The following SERF2 variants were observed in gnomAD, a reference collection of about 807,000 sequenced individuals.
SERF2 encodes small EDRK-rich factor 2.
Under a neutral mutation model 10.7 loss-of-function variants are expected in SERF2, and 4 were observed. The observed-to-expected ratio is 0.37, with a 90% CI of 0.18 to 0.86. SERF2 has a LOEUF of 0.86. Ranked by LOEUF, SERF2 falls within the 40% of genes least tolerant of loss-of-function variation. The probability of loss-of-function intolerance (pLI) is 0.43; values close to 1 mark genes in which losing one functional copy is unlikely to be tolerated. For synonymous variants in SERF2, 26 were observed against 26.0 expected, an observed-to-expected ratio of 1.00 and a Z score of 0.01; for missense variants, 47 against 79.1, an observed-to-expected ratio of 0.59 and a Z score of 1.54.
intron 1 of SERF2, among the ~76,000 whole-genome samples, chr15:43,781,910 GAC>G (rs2086968441): frequency 2.2e-5 from 3 of 139,082 alleles, no homozygotes; most frequent in Non-Finnish European, 3.1e-5. Context: ...TTTTTTTTGA[GAC>G]ACAGTTTGCT....
chr15:43,786,127 G>T lies in SERF2; in HGVS notation c.-402+593G>T, dbSNP rs181699504. Among the ~76,000 whole-genome samples the T allele has an allele frequency of 6.6e-5, 10 of 151,874 alleles. No individual in the cohort carries two copies. In the East Asian group the frequency reaches 1.9e-3, roughly 30 times the overall value. ...TCTACAAGCAAGGCACTAAAAAGCTGGTTGAAGGCCAGACACAGCGGCTCA... is the reference window on the plus strand; with the variant it reads ...TCTACAAGCAAGGCACTAAAAAGCTTGTTGAAGGCCAGACACAGCGGCTCA... On this transcript the variant is annotated intron_variant, in intron 2 of 4. Transcript: ENST00000381359.
chr15:43,789,131 A>G (rs991720875), upstream of SERF2, among the ~76,000 whole-genome samples: 1 of 150,940 alleles, frequency 6.6e-6, no homozygotes, highest in Non-Finnish European at 1.5e-5. Context: ...CCTGGGCGAC[A>G]GAGTGAGACT....
At chr15:43,792,586 A>G in intron 1 of SERF2, 1 of 1,452,756 alleles carries the variant, frequency 6.9e-7, no homozygotes, top group Non-Finnish European at 9.1e-7. Flanking sequence ...CGGGTTAGGC[A>G]TAGGCCCTCC....
At chr15:43,783,512 GGCT>G (rs1326036111) in intron 1 of SERF2, among the ~76,000 whole-genome samples, 9 of 150,442 alleles carry the variant, frequency 6.0e-5, no homozygotes, top group Non-Finnish European at 1.2e-4. Context: ...ATGTTGGCTA[GGCT>G]GGTCTCGAAC....
At chr15:43,792,444 C>T (rs1258473292) in intron 1 of SERF2, 61 bp downstream of exon 1, 9 of 1,613,438 alleles carry the variant, frequency 5.6e-6, no homozygotes, top group Non-Finnish European at 7.6e-6. Flanking sequence ...ACACCACCGG[C>T]GAGGCGCCGG....
Position 43,795,995 on chromosome 15 carries a change from TGTAAAA to T in SERF2, c.*2226_*2231del, listed in dbSNP as rs2087206870. On this transcript the variant is annotated 3_prime_UTR_variant, in exon 3 of 3. Transcript: ENST00000249786. Reference sequence around the variant, plus strand: ...GTGAGGGTTAAATTAAATGAGATTATGTAAAAGTATCTAGCACAGTTGCCTAGCACA... The same window carrying T: ...GTGAGGGTTAAATTAAATGAGATTATGTATCTAGCACAGTTGCCTAGCACA... 3.0e-6 allele frequency: 2 copies of T among 666,806 alleles called. No homozygotes were observed. The highest frequency in any genetic ancestry group is 5.3e-6 in the Non-Finnish European group (2 of 375,564). 41.3% of individuals were successfully genotyped at this position (666,806 alleles called of 1,614,324 possible). A position where few individuals can be genotyped will look rare whatever the true frequency, so the allele number is the denominator to read the frequency against.
At chr15:43,779,058 G>A (rs1339591884) in intron 1 of SERF2, among the ~76,000 whole-genome samples, 1 of 152,198 alleles carries the variant, frequency 6.6e-6, no homozygotes, top group African/African-American at 2.4e-5. Flanking sequence ...TGGTGTAGGA[G>A]ATTTACTGCA....
upstream of SERF2, among the ~76,000 whole-genome samples, chr15:43,788,788 C>G (rs757954175): frequency 6.6e-6 from 1 of 152,108 alleles, no homozygotes; most frequent in African/African-American, 2.4e-5. Flanking sequence ...CTGCCAGGGC[C>G]GAGGTTTCTA....
intron 2 of SERF2, 85 bp downstream of exon 2, chr15:43,793,168 C>T: frequency 2.4e-6 from 2 of 832,106 alleles, no homozygotes; most frequent in Admixed American, 4.3e-5. Context: ...TACCTCAGGG[C>T]TTGAATGTGG....
At chr15:43,793,654 A>C (rs1223121405) in intron 2 of SERF2, 56 bp from the exon 3 acceptor site, 1 of 1,613,984 alleles carries the variant, frequency 6.2e-7, no homozygotes, top group Admixed American at 1.7e-5. Flanking sequence ...ATCCCCCTGC[A>C]TCTTGTCCTT....
chr15:43,787,507 C>T (rs1267232237), upstream of SERF2, among the ~76,000 whole-genome samples: 1 of 152,128 alleles, frequency 6.6e-6, no homozygotes, highest in Non-Finnish European at 1.5e-5. Context: ...AAGTGATTCT[C>T]CTGCCTCAGA....
chr15:43,786,964 T>C (rs1344761358), intron 2 of SERF2, among the ~76,000 whole-genome samples: 1 of 151,644 alleles, frequency 6.6e-6, no homozygotes, highest in Non-Finnish European at 1.5e-5. Flanking sequence ...ACCAGGTGAA[T>C]ACCACAAAAT....
Position 43,795,755 on chromosome 15 carries a change from G to A in SERF2, c.*1982G>A. ...AGGGCTTCTGCAAAACAGAACGCAG[G>A]TTTTGGAATGGTCTTAAAAGATGTG... On this transcript the variant is annotated 3_prime_UTR_variant, in exon 3 of 3. Transcript: ENST00000249786. 1.9e-6 allele frequency: 3 copies of A among 1,612,628 alleles called. No homozygotes were observed. The highest frequency in any genetic ancestry group is 2.5e-6 in the Non-Finnish European group (3 of 1,179,186).
upstream of SERF2, among the ~76,000 whole-genome samples, chr15:43,791,200 A>G (rs1224119035): frequency 6.6e-6 from 1 of 151,876 alleles, no homozygotes; most frequent in Non-Finnish European, 1.5e-5. Flanking sequence ...CAGCCTCCTG[A>G]GTAGCTGGGA....
At chr15:43,779,238 T>C (rs1194444189) in intron 1 of SERF2, among the ~76,000 whole-genome samples, 3 of 152,110 alleles carry the variant, frequency 2.0e-5, no homozygotes, top group Admixed American at 6.6e-5. Context: ...TTTTTCTGAT[T>C]GCTTCCATTT....
upstream of SERF2, among the ~76,000 whole-genome samples, chr15:43,789,541 A>G (rs1420637515): frequency 1.3e-5 from 2 of 152,218 alleles, no homozygotes; most frequent in Non-Finnish European, 2.9e-5. Context: ...TAGCACCAGC[A>G]GTACTATTTA....
In SERF2 at chr15:43,795,662, C is replaced by T. The variant is rs767647154; in HGVS notation, c.*1889C>T. The T allele has an allele frequency of 1.8e-5, 29 of 1,613,400 alleles. No homozygotes were observed. The East Asian group carries it at 6.2e-4, about 35-fold the overall frequency. ...GGCACTCCACAGAGATCTACCACTTCTTATGGTTCCTCACTTGGCACTCAC... is the reference window on the plus strand; with the variant it reads ...GGCACTCCACAGAGATCTACCACTTTTTATGGTTCCTCACTTGGCACTCAC... On this transcript the variant is annotated 3_prime_UTR_variant, in exon 3 of 3. Transcript: ENST00000249786.
chr15:43,793,684 C>T (rs369832525), intron 2 of SERF2, 26 bp from the exon 3 acceptor site: 1 of 1,614,084 alleles, frequency 6.2e-7, no homozygotes, highest in Non-Finnish European at 8.5e-7. Flanking sequence ...TGGTACCTCC[C>T]AGTGCCCCAT....
rs751408430 is a variant in SERF2, at chr15:43,792,398, C to T, written c.7+15C>T. On this transcript the variant is annotated intron_variant, in intron 1 of 2. Coordinates refer to ENST00000249786, the MANE Select transcript of SERF2 (RefSeq NM_001018108.4). ...CGCCATGACCCGTGAGCACCGAGCCCCCTTCTCCTTGCCCTTTTCTTTCCG... is the reference window on the plus strand; with the variant it reads ...CGCCATGACCCGTGAGCACCGAGCCTCCTTCTCCTTGCCCTTTTCTTTCCG... The T allele has an allele frequency of 6.2e-6, 10 of 1,613,802 alleles. No individual in the cohort carries two copies. The African/African-American group carries it at 1.3e-4, about 22-fold the overall frequency.
Sources: allele counts gnomAD v4.1 joint callset (sites outside exome capture counted in the v4.1 genomes callset), GRCh38; gene constraint gnomAD v4.1.1; transcripts MANE v1.5; gene names NCBI Gene and HGNC (gene_info 2026-07-23, HGNC 2026-07-21).